Variants in STK32B observed in about 807,000 individuals in gnomAD.
The protein encoded by STK32B is serine/threonine kinase 32B, also known as serine/threonine-protein kinase 32B.
STK32B carries 43 observed loss-of-function variants against 52.6 expected under a neutral mutation model. The observed-to-expected ratio is 0.82, with a 90% CI of 0.64 to 1.05. The LOEUF (loss-of-function observed/expected upper bound fraction) is 1.05, where lower values mean the gene tolerates loss of function less well. STK32B is among the 50% of genes least tolerant of loss of function. The pLI is 0.00. For synonymous variants in STK32B, 238 were observed against 204.3 expected (o/e 1.17, Z -1.41); for missense variants, 621 against 534.6 (o/e 1.16, Z -1.59).
intron 11 of STK32B, among the ~76,000 whole-genome samples, chr4:5,498,081 G>C (rs928870247): frequency 6.6e-6 from 1 of 152,124 alleles, no homozygotes; most frequent in Non-Finnish European, 1.5e-5. Context: ...AGGCTAAAAA[G>C]ATAAAGTGAC....
At chr4:5,298,738 G>A (rs1049752829) in intron 3 of STK32B, among the ~76,000 whole-genome samples, 2 of 152,066 alleles carry the variant, frequency 1.3e-5, no homozygotes, top group Admixed American at 1.3e-4. Context: ...GTGGGGGTGG[G>A]ACCCACTGAG....
chr4:5,419,807 T>C (rs1712472298), intron 6 of STK32B, among the ~76,000 whole-genome samples: 1 of 152,192 alleles, frequency 6.6e-6, no homozygotes, highest in African/African-American at 2.4e-5. Flanking sequence ...TTTGGGGAGA[T>C]TCAAAATCTA....
At chr4:5,372,148 G>T (rs541236110) in intron 4 of STK32B, among the ~76,000 whole-genome samples, 1 of 152,338 alleles carries the variant, frequency 6.6e-6, no homozygotes, top group East Asian at 1.9e-4. Flanking sequence ...ATGCATACCT[G>T]CAGTCAGAAG....
At chr4:5,117,371 T>C (rs1714787040) in intron 1 of STK32B, among the ~76,000 whole-genome samples, 1 of 151,544 alleles carries the variant, frequency 6.6e-6, no homozygotes, top group South Asian at 2.1e-4. Context: ...TCAAATGCTT[T>C]TTCTGCATCT....
chr4:5,025,142 C>G, the STK32B span, among the ~76,000 whole-genome samples: 2 of 152,162 alleles, frequency 1.3e-5, no homozygotes, highest in African/African-American at 2.4e-5. Context: ...TCCCCCTTCT[C>G]TGACTCAGGA....
At chr4:5,339,929 A>G (rs576128713) in intron 4 of STK32B, among the ~76,000 whole-genome samples, 8 of 152,230 alleles carry the variant, frequency 5.3e-5, no homozygotes, top group African/African-American at 1.9e-4. Context: ...AGTGTTTCCT[A>G]TATACTCTGG....
At chr4:5,212,567 C>A (rs918014747) in intron 3 of STK32B, among the ~76,000 whole-genome samples, 7 of 152,210 alleles carry the variant, frequency 4.6e-5, no homozygotes, top group African/African-American at 1.4e-4. Context: ...AAACTGGCAC[C>A]TCGTGAAGTC....
chr4:5,229,159 C>G (rs968642561), intron 3 of STK32B, among the ~76,000 whole-genome samples: 18 of 149,902 alleles, frequency 1.2e-4, no homozygotes, highest in Non-Finnish European at 2.1e-4. Flanking sequence ...CAGATACTTT[C>G]AATTTGTAAA....
At chr4:5,167,323 C>T (rs1035249418) in intron 2 of STK32B, among the ~76,000 whole-genome samples, 7 of 152,190 alleles carry the variant, frequency 4.6e-5, no homozygotes, top group East Asian at 1.9e-4. Context: ...GGCTACAGCT[C>T]CCTCATGCTT....
chr4:5,054,843 G>A (rs73089604), intron 1 of STK32B, among the ~76,000 whole-genome samples: 4,134 of 152,272 alleles, frequency 0.027, 179 homozygotes, highest in African/African-American at 0.094. Context: ...TGACAGGACC[G>A]TCATCCACAT....
chr4:5,156,411 T>G (rs1373938560), intron 2 of STK32B, among the ~76,000 whole-genome samples: 3 of 152,192 alleles, frequency 2.0e-5, no homozygotes, highest in Non-Finnish European at 2.9e-5. Flanking sequence ...CTCCCACTCC[T>G]CTGCATGCAA....
At chr4:5,145,826 A>C (rs1311059966) in intron 2 of STK32B, among the ~76,000 whole-genome samples, 1 of 152,136 alleles carries the variant, frequency 6.6e-6, no homozygotes, top group Non-Finnish European at 1.5e-5. Flanking sequence ...TTGATACATG[A>C]AAGTTTTCTA....
At chr4:5,497,465 AG>A (rs1198421958) in intron 11 of STK32B, among the ~76,000 whole-genome samples, 6 of 152,222 alleles carry the variant, frequency 3.9e-5, no homozygotes, top group Non-Finnish European at 5.9e-5. Flanking sequence ...GTTCCTGCCC[AG>A]TCCACTAGGA....
At chr4:5,241,444 A>G (rs1725016774) in intron 3 of STK32B, among the ~76,000 whole-genome samples, 1 of 152,220 alleles carries the variant, frequency 6.6e-6, no homozygotes, top group South Asian at 2.1e-4. Flanking sequence ...TGGAGTGCAA[A>G]CAACTGAGGG....
chr4:5,104,627 CCAAT>C (rs1396714207), intron 1 of STK32B, among the ~76,000 whole-genome samples: 1 of 152,162 alleles, frequency 6.6e-6, no homozygotes, highest in South Asian at 2.1e-4. Flanking sequence ...TAATCAGCAG[CCAAT>C]CAAAGTACAG....
intron 4 of STK32B, among the ~76,000 whole-genome samples, chr4:5,376,915 A>T (rs1735624423): frequency 1.3e-5 from 2 of 151,988 alleles, no homozygotes; most frequent in Non-Finnish European, 2.9e-5. Context: ...CTCCTGTTTG[A>T]TGGTGCCCTG....
chr4:5,369,792 T>C (rs1215408844), intron 4 of STK32B, among the ~76,000 whole-genome samples: 1 of 152,230 alleles, frequency 6.6e-6, no homozygotes, highest in Non-Finnish European at 1.5e-5. Flanking sequence ...AGGATTTCAA[T>C]CATGATCCTA....
chr4:5,204,433 TTTG>T (rs765839309), intron 3 of STK32B, among the ~76,000 whole-genome samples: 32 of 147,918 alleles, frequency 2.2e-4, no homozygotes, highest in African/African-American at 6.2e-4. Context: ...TTAGGTTTTT[TTTG>T]TTTGTTTTTG....
chr4:5,463,332 G>T (rs1226251840), intron 9 of STK32B, among the ~76,000 whole-genome samples: 1 of 152,156 alleles, frequency 6.6e-6, no homozygotes, highest in Non-Finnish European at 1.5e-5. Context: ...GGGATGCCCT[G>T]GGGGGCATCT....
Sources: gnomAD v4.1 joint callset for allele counts (sites outside exome capture counted in the v4.1 genomes callset) on GRCh38, gnomAD v4.1.1 for gene constraint, MANE v1.5 for transcripts, NCBI Gene and HGNC (gene_info 2026-07-23, HGNC 2026-07-21) for gene names.